Variants in NCK2 observed in about 807,000 individuals in gnomAD.
NCK2 encodes cytoplasmic protein NCK2.
NCK2 carries 16 observed loss-of-function variants against 33.9 expected under a neutral mutation model. The observed-to-expected ratio is 0.47, with a 90% CI of 0.32 to 0.72. The LOEUF is 0.72. Among genes scored for constraint, NCK2 ranks in the 30% least tolerant of loss-of-function variants. The pLI, the probability that NCK2 is intolerant of heterozygous loss-of-function variation, is 0.03. For missense variants in NCK2, 418 were observed against 537.3 expected (o/e 0.78, Z 2.19); for synonymous variants, 273 against 239.9 (o/e 1.14, Z -1.27).
At chr2:105,849,136 G>A (rs1406076716) in intron 2 of NCK2, among the ~76,000 whole-genome samples, 3 of 152,134 alleles carry the variant, frequency 2.0e-5, no homozygotes, top group Admixed American at 6.5e-5. Context: ...GTAATCCAGC[G>A]CTTTGAGAGG....
At chr2:105,842,794 C>A (rs1676698487) in intron 2 of NCK2, among the ~76,000 whole-genome samples, 1 of 151,880 alleles carries the variant, frequency 6.6e-6, no homozygotes, top group African/African-American at 2.4e-5. Flanking sequence ...GGGACGGGAC[C>A]CAGCCCGTGG....
intron 3 of NCK2, among the ~76,000 whole-genome samples, chr2:105,871,999 G>A (rs1678034158): frequency 6.6e-6 from 1 of 152,222 alleles, no homozygotes; most frequent in Non-Finnish European, 1.5e-5. Context: ...GACTGGGGAA[G>A]CTGTCAAGAA....
intron 3 of NCK2, among the ~76,000 whole-genome samples, chr2:105,863,993 AG>A (rs71379738): frequency 0.19 from 29,016 of 151,826 alleles, 3,436 homozygotes; most frequent in East Asian, 0.31. Context: ...GTCTCACTTG[AG>A]GGATGCAGAG....
At chr2:105,780,385 A>G (rs1266851918) in intron 1 of NCK2, among the ~76,000 whole-genome samples, 2 of 151,918 alleles carry the variant, frequency 1.3e-5, no homozygotes, top group East Asian at 3.9e-4. Flanking sequence ...GGACACACAC[A>G]CATACTCTCT....
intron 2 of NCK2, among the ~76,000 whole-genome samples, chr2:105,832,550 A>G (rs1676237613): frequency 6.6e-6 from 1 of 152,196 alleles, no homozygotes; most frequent in Non-Finnish European, 1.5e-5. Flanking sequence ...ATTTATCGAG[A>G]TGATCATATG....
chr2:105,770,561 T>G (rs1402154721), intron 1 of NCK2, among the ~76,000 whole-genome samples: 4 of 152,230 alleles, frequency 2.6e-5, no homozygotes, highest in African/African-American at 9.6e-5. Context: ...CTATAGAATA[T>G]CTGTCATTTT....
chr2:105,829,169 C>T (rs910949214), intron 2 of NCK2, among the ~76,000 whole-genome samples: 2 of 151,998 alleles, frequency 1.3e-5, no homozygotes, highest in Non-Finnish European at 2.9e-5. Context: ...GTACAAAATA[C>T]GTAGGTGTCA....
chr2:105,877,018 G>A (rs557415387), intron 3 of NCK2, among the ~76,000 whole-genome samples: 13 of 152,212 alleles, frequency 8.5e-5, no homozygotes, highest in East Asian at 3.9e-4. Flanking sequence ...GCCACCTGGC[G>A]GGGTCACAGC....
chr2:105,762,008 T>C (rs1032907848), intron 1 of NCK2, among the ~76,000 whole-genome samples: 1 of 152,250 alleles, frequency 6.6e-6, no homozygotes, highest in Non-Finnish European at 1.5e-5. Flanking sequence ...TCTTGTCCTT[T>C]TTCTAAGTTT....
At chr2:105,872,782 GAA>G (rs1678068851) in intron 3 of NCK2, among the ~76,000 whole-genome samples, 1 of 152,244 alleles carries the variant, frequency 6.6e-6, no homozygotes, top group Non-Finnish European at 1.5e-5. Context: ...TTAGTTGACT[GAA>G]AGTTTTTGCA....
At chr2:105,778,870 A>G (rs1462458136) in intron 1 of NCK2, among the ~76,000 whole-genome samples, 1 of 152,042 alleles carries the variant, frequency 6.6e-6, no homozygotes, top group Non-Finnish European at 1.5e-5. Flanking sequence ...CTATAGGCAC[A>G]CACCACTATA....
chr2:105,797,258 G>GA (rs1160762194), intron 1 of NCK2, among the ~76,000 whole-genome samples: 1 of 152,072 alleles, frequency 6.6e-6, no homozygotes, highest in East Asian at 1.9e-4. Flanking sequence ...GTTTTAAGGG[G>GA]AACCTTTAAA....
chr2:105,818,320 C>A (rs1675580658), intron 2 of NCK2, among the ~76,000 whole-genome samples: 1 of 145,034 alleles, frequency 6.9e-6, no homozygotes, highest in African/African-American at 2.6e-5. Flanking sequence ...GGAGATATAC[C>A]TAATGTAAAT....
chr2:105,813,610 A>G (rs1212655789), intron 1 of NCK2, among the ~76,000 whole-genome samples: 1 of 152,182 alleles, frequency 6.6e-6, no homozygotes, highest in Non-Finnish European at 1.5e-5. Context: ...ATCGGCCACG[A>G]CTGCTTGCAG....
At position 105,893,451 on chromosome 2, in the gene NCK2, C is replaced by T. The variant is rs10469862; in HGVS notation, c.*275C>T. The T allele has an allele frequency of 0.31, 116,491 of 376,616 alleles. 19,338 individuals are homozygous for T. The highest frequency in any genetic ancestry group is 0.41 in the South Asian group (9,307 of 22,950). 23.3% of individuals were successfully genotyped at this position (376,616 alleles called of 1,614,324 possible). On this transcript the variant is annotated 3_prime_UTR_variant, in exon 5 of 5. Transcript: ENST00000233154. ...GGAAGTGGCGCTCGTGCATTCAACTCGTTCCCGCTCATGGAACCCCTCTTT... is the reference window on the plus strand; with the variant it reads ...GGAAGTGGCGCTCGTGCATTCAACTTGTTCCCGCTCATGGAACCCCTCTTT...
intron 1 of NCK2, among the ~76,000 whole-genome samples, chr2:105,772,021 A>AT (rs1690150605): frequency 2.0e-5 from 3 of 152,126 alleles, no homozygotes; most frequent in African/African-American, 7.2e-5. Context: ...TTCAGCTCTG[A>AT]GTCTTTGAGA....
At chr2:105,845,682 C>T (rs1212924017) in intron 2 of NCK2, among the ~76,000 whole-genome samples, 1 of 152,118 alleles carries the variant, frequency 6.6e-6, no homozygotes, top group African/African-American at 2.4e-5. Flanking sequence ...ATGTGAGCCA[C>T]CACGCCCAGC....
intron 2 of NCK2, among the ~76,000 whole-genome samples, chr2:105,831,470 C>T (rs1165187924): frequency 1.3e-5 from 2 of 150,710 alleles, no homozygotes; most frequent in South Asian, 4.2e-4. Context: ...TTTGCCCAGA[C>T]CAATGTCCTA....
At chr2:105,892,951 C>T (rs190858251) in intron 4 of NCK2, 31 bp from the exon 5 acceptor site, 6 of 1,574,796 alleles carry the variant, frequency 3.8e-6, no homozygotes, top group African/African-American at 1.3e-5. Context: ...CGCTGTGGCC[C>T]GGCTGTAACT....
Sources: allele counts gnomAD v4.1 joint callset (sites outside exome capture counted in the v4.1 genomes callset), GRCh38; gene constraint gnomAD v4.1.1; transcripts MANE v1.5; gene names NCBI Gene and HGNC (gene_info 2026-07-23, HGNC 2026-07-21).